The following ABLIM1 variants were observed in gnomAD, a reference collection of about 807,000 sequenced individuals.
ABLIM1 encodes actin-binding LIM protein 1.
A neutral mutation model predicts 107.0 loss-of-function variants in ABLIM1; 40 were observed. The observed-to-expected ratio is 0.37, with a 90% confidence interval of 0.29 to 0.49. The LOEUF (loss-of-function observed/expected upper bound fraction) is 0.49. ABLIM1 is among the 20% of genes least tolerant of loss of function. The pLI is 0.97. For missense variants in ABLIM1, 857 were observed against 1,008.5 expected (o/e 0.85, Z 2.04); for synonymous variants, 357 against 357.3 (o/e 1.00, Z 0.01).
At position 114,432,603 on chromosome 10, in the gene ABLIM1, T is replaced by G. The variant is rs2058970846; in HGVS notation, c.*3657A>C. 2 of 152,314 alleles carry G rather than the reference T, an allele frequency of 1.3e-5. No homozygotes were observed. Among genetic ancestry groups the G allele is most frequent in the South Asian group, 4.1e-4 (2 of 4,828 alleles). 9.4% of individuals were successfully genotyped at this position (152,314 alleles called of 1,614,324 possible). A position where few individuals can be genotyped will look rare whatever the true frequency, so the allele number is the denominator to read the frequency against. ...ATGTCTAAAGAAATCCAGTGAAAGTTTTAGAAACATTGCCAGCTAGACGTC... is the reference window on the plus strand; with the variant it reads ...ATGTCTAAAGAAATCCAGTGAAAGTGTTAGAAACATTGCCAGCTAGACGTC... On this transcript the variant is annotated 3_prime_UTR_variant, in exon 23 of 23. Coordinates refer to ENST00000533213, the MANE Select transcript of ABLIM1 (RefSeq NM_002313.7).
chr10:114,741,426 C>T (rs1217869014), intron 1 of ABLIM1, among the ~76,000 whole-genome samples: 3 of 151,544 alleles, frequency 2.0e-5, no homozygotes, highest in African/African-American at 7.3e-5. Context: ...GGGGTTTCAC[C>T]GTGTTAGCCA....
intron 1 of ABLIM1, among the ~76,000 whole-genome samples, chr10:114,731,887 G>A (rs2082081469): frequency 6.6e-6 from 1 of 152,180 alleles, no homozygotes; most frequent in African/African-American, 2.4e-5. Context: ...TGGGATTACA[G>A]GCGTGAGCCA....
intron 1 of ABLIM1, among the ~76,000 whole-genome samples, chr10:114,625,384 G>A (rs897366656): frequency 6.6e-6 from 1 of 152,092 alleles, no homozygotes; most frequent in Non-Finnish European, 1.5e-5. Context: ...TGTCTGTGTG[G>A]GTGTGTGTTT....
chr10:114,770,005 T>C (rs1433178515), upstream of ABLIM1, among the ~76,000 whole-genome samples: 3 of 152,168 alleles, frequency 2.0e-5, no homozygotes, highest in Non-Finnish European at 4.4e-5. Flanking sequence ...TAAAGCATGA[T>C]CACAGGAATA....
intron 1 of ABLIM1, 56 bp from the exon 2 acceptor site, chr10:114,602,017 GTCA>G: frequency 3.1e-6 from 5 of 1,603,220 alleles, no homozygotes; most frequent in Non-Finnish European, 4.3e-6. Context: ...TGCAAAAGGG[GTCA>G]TCATGGTATC....
the ABLIM1 span, chr10:114,778,565 CCAGA>C: frequency 9.2e-6 from 1 of 108,590 alleles, no homozygotes; most frequent in Non-Finnish European, 1.8e-5. Context: ...CATTCATCAT[CCAGA>C]CACACACACA....
chr10:114,452,193 G>A (rs2062017771), intron 13 of ABLIM1, among the ~76,000 whole-genome samples: 1 of 152,006 alleles, frequency 6.6e-6, no homozygotes, highest in African/African-American at 2.4e-5. Flanking sequence ...GTGTGCTGAT[G>A]GGATGTTCAA....
At chr10:114,438,257 TTTTG>T (rs746149903) in intron 21 of ABLIM1, among the ~76,000 whole-genome samples, 4 of 152,050 alleles carry the variant, frequency 2.6e-5, no homozygotes, top group Non-Finnish European at 5.9e-5. Context: ...TGTTTTTTGT[TTTTG>T]TTTTTCTTTT....
At chr10:114,679,472 T>C (rs1268158938) in intron 1 of ABLIM1, among the ~76,000 whole-genome samples, 1 of 151,742 alleles carries the variant, frequency 6.6e-6, no homozygotes, top group Admixed American at 6.6e-5. Flanking sequence ...TTGTCTCTAC[T>C]AAAAATTACA....
At chr10:114,688,319 T>C (rs998290294), upstream of ABLIM1, among the ~76,000 whole-genome samples, 5 of 152,138 alleles carry the variant, frequency 3.3e-5, no homozygotes, top group Non-Finnish European at 5.9e-5. Context: ...ATTCCGCTTC[T>C]AATTATTCTT....
At chr10:114,641,124 A>C (rs2497684) in intron 1 of ABLIM1, among the ~76,000 whole-genome samples, 39,738 of 151,814 alleles carry the variant, frequency 0.26, 5,818 homozygotes, top group East Asian at 0.54. Flanking sequence ...GTATAAGGAG[A>C]CTTTTAATAA....
intron 6 of ABLIM1, among the ~76,000 whole-genome samples, chr10:114,497,446 G>A (rs901717755): frequency 2.0e-5 from 3 of 149,804 alleles, no homozygotes; most frequent in South Asian, 4.3e-4. Context: ...TTGGGAGGCC[G>A]AGGCGGGCAG....
chr10:114,769,778 G>A (rs182514726), upstream of ABLIM1, among the ~76,000 whole-genome samples: 22 of 152,176 alleles, frequency 1.4e-4, no homozygotes, highest in African/African-American at 4.6e-4. Flanking sequence ...GATCATGTGG[G>A]AAAGGAAATA....
At chr10:114,462,671 G>A (rs1589951801) in intron 12 of ABLIM1, among the ~76,000 whole-genome samples, 2 of 152,092 alleles carry the variant, frequency 1.3e-5, no homozygotes, top group African/African-American at 2.4e-5. Context: ...GTGTTTTGCT[G>A]AGACACGTTG....
Position 114,448,104 on chromosome 10 carries a change from G to A in ABLIM1, c.1595-84C>T, listed in dbSNP as rs145278184. ...ACAACCCCACTTACATAGTTTTCTT[G>A]TTCTCTGGCAAAAGTTTCAGTTCCA... is the stretch of plus-strand genomic sequence containing the variant. On this transcript the variant is annotated intron_variant, in intron 14 of 22. Coordinates refer to ENST00000533213, the MANE Select transcript of ABLIM1 (RefSeq NM_002313.7). 47 of 1,553,864 alleles carry A rather than the reference G, an allele frequency of 3.0e-5. No homozygotes were observed. The Middle Eastern group carries it at 1.1e-3, about 36-fold the overall frequency.
intron 2 of ABLIM1, among the ~76,000 whole-genome samples, chr10:114,600,408 C>T (rs2075863311): frequency 6.6e-6 from 1 of 152,196 alleles, no homozygotes; most frequent in Non-Finnish European, 1.5e-5. Flanking sequence ...GCCCTCCACT[C>T]CTTCCACCTT....
upstream of ABLIM1, among the ~76,000 whole-genome samples, chr10:114,772,809 A>C (rs2083040219): frequency 6.6e-6 from 1 of 152,176 alleles, no homozygotes. Flanking sequence ...AAGAGATAAA[A>C]TATATATAAA....
At chr10:114,766,599 T>C (rs1033522722) in intron 1 of ABLIM1, among the ~76,000 whole-genome samples, 2 of 150,476 alleles carry the variant, frequency 1.3e-5, no homozygotes, top group African/African-American at 5.0e-5. Flanking sequence ...AGATTCCACA[T>C]AGTTACTTGG....
chr10:114,497,191 T>C (rs1415938656), intron 6 of ABLIM1, among the ~76,000 whole-genome samples: 1 of 152,208 alleles, frequency 6.6e-6, no homozygotes, highest in Non-Finnish European at 1.5e-5. Flanking sequence ...TATAAACTTT[T>C]AAAGCCCAGC....
Sources: gnomAD v4.1 joint callset for allele counts (sites outside exome capture counted in the v4.1 genomes callset) on GRCh38, gnomAD v4.1.1 for gene constraint, MANE v1.5 for transcripts, NCBI Gene and HGNC (gene_info 2026-07-23, HGNC 2026-07-21) for gene names.